The following RIMS1 variants were observed in gnomAD, a reference collection of about 807,000 sequenced individuals.
RIMS1 encodes the protein regulating synaptic membrane exocytosis 1.
A neutral mutation model predicts 214.1 loss-of-function variants in RIMS1; 83 were observed. That is an observed-to-expected ratio of 0.39 (90% CI 0.32 to 0.47). The LOEUF (loss-of-function observed/expected upper bound fraction) is 0.47. Among genes scored for constraint, RIMS1 ranks in the 20% least tolerant of loss-of-function variants. RIMS1 has a pLI of 0.99. For missense variants in RIMS1, 2,050 were observed against 2,161.8 expected (o/e 0.95, Z 1.03); for synonymous variants, 793 against 786.8 (o/e 1.01, Z -0.13).
intron 2 of RIMS1, among the ~76,000 whole-genome samples, chr6:71,998,665 C>T (rs1045913563): frequency 2.6e-5 from 4 of 151,968 alleles, no homozygotes; most frequent in Admixed American, 1.3e-4. Context: ...ATCTGCATGC[C>T]GATAGTTTTT....
chr6:72,195,477 G>A (rs1554268854), intron 6 of RIMS1, among the ~76,000 whole-genome samples: 2 of 152,136 alleles, frequency 1.3e-5, no homozygotes, highest in African/African-American at 2.4e-5. Context: ...CTTAATAACA[G>A]ATGTGACTTT....
chr6:72,207,265 G>A (rs1197407373), intron 6 of RIMS1, among the ~76,000 whole-genome samples: 1 of 152,168 alleles, frequency 6.6e-6, no homozygotes, highest in African/African-American at 2.4e-5. Flanking sequence ...AGGACAACAG[G>A]TGGATACATA....
At chr6:71,901,914 G>C (rs1338173443) in intron 1 of RIMS1, among the ~76,000 whole-genome samples, 1 of 152,028 alleles carries the variant, frequency 6.6e-6, no homozygotes, top group Non-Finnish European at 1.5e-5. Context: ...TATGGGGTCA[G>C]CACTAGATTG....
intron 4 of RIMS1, among the ~76,000 whole-genome samples, chr6:72,116,929 T>C (rs1351022208): frequency 6.6e-6 from 1 of 152,008 alleles, no homozygotes; most frequent in African/African-American, 2.4e-5. Context: ...TGTGTGTGTA[T>C]ATCATAAATT....
At position 72,324,119 on chromosome 6, in the gene RIMS1, A is replaced by C. The variant is rs187105379; in HGVS notation, c.4131-9481A>C. Among the ~76,000 whole-genome samples the C allele has an allele frequency of 5.1e-3, 772 of 152,036 alleles. 4 individuals carry two copies. The highest frequency in any genetic ancestry group is 0.014 in the Middle Eastern group (4 of 294). On this transcript the variant is annotated intron_variant, in intron 28 of 33. Transcript: ENST00000521978. ...TCATCATGAGGTGACCAGCACTACA[A>C]AAAATACTAATGGGAGTTCATGTTG...
At chr6:72,125,688 C>T (rs1283062195) in intron 4 of RIMS1, among the ~76,000 whole-genome samples, 1 of 152,212 alleles carries the variant, frequency 6.6e-6, no homozygotes, top group African/African-American at 2.4e-5. Context: ...CAAGCCTCAG[C>T]AATGGTGGAT....
intron 23 of RIMS1, among the ~76,000 whole-genome samples, chr6:72,280,105 T>A (rs950964250): frequency 6.6e-6 from 1 of 151,992 alleles, no homozygotes; most frequent in Non-Finnish European, 1.5e-5. Flanking sequence ...AGTTCTTTTT[T>A]ATTGTAATTT....
chr6:72,136,205 A>G (rs759966613), intron 4 of RIMS1, among the ~76,000 whole-genome samples: 1 of 152,220 alleles, frequency 6.6e-6, no homozygotes, highest in Non-Finnish European at 1.5e-5. Context: ...AGAGTTAGTC[A>G]TAGATGCTTA....
intron 4 of RIMS1, among the ~76,000 whole-genome samples, chr6:72,147,386 G>A (rs2042898253): frequency 6.6e-6 from 1 of 152,188 alleles, no homozygotes; most frequent in South Asian, 2.1e-4. Context: ...AGCCCTTGAA[G>A]AAACAGGGCT....
rs183868048 is a variant in RIMS1, at chr6:72,156,266, A to T, written c.472-23309A>T. Reference sequence around the variant, plus strand: ...GAAGAAAATGTGATAAAAACATACAATGTAATATTATTCGGCCTTAAAAAA... The same window carrying T: ...GAAGAAAATGTGATAAAAACATACATTGTAATATTATTCGGCCTTAAAAAA... On this transcript the variant is annotated intron_variant, in intron 4 of 33. Transcript: ENST00000521978. 5.1e-4 allele frequency among the ~76,000 whole-genome samples: 72 copies of T among 141,360 alleles called. 8 individuals carry two copies. The highest frequency in any genetic ancestry group is 4.3e-3 in the Admixed American group (60 of 13,866). 92.7% of individuals were successfully genotyped at this position (141,360 alleles called of 152,430 possible). A position where few individuals can be genotyped will look rare whatever the true frequency, so the allele number is the denominator to read the frequency against.
At chr6:72,396,354 G>A (rs78678627) in intron 31 of RIMS1, among the ~76,000 whole-genome samples, 2,744 of 152,148 alleles carry the variant, frequency 0.018, 79 homozygotes, top group African/African-American at 0.064. Context: ...AATATAAGTA[G>A]CAAAGACATT....
chr6:71,943,594 C>T (rs1358078951), intron 1 of RIMS1, among the ~76,000 whole-genome samples: 1 of 152,142 alleles, frequency 6.6e-6, no homozygotes, highest in African/African-American at 2.4e-5. Context: ...ATTCTGTACA[C>T]ATCAAAGGAC....
intron 2 of RIMS1, among the ~76,000 whole-genome samples, chr6:72,001,764 T>G (rs2151734716): frequency 6.6e-6 from 1 of 152,292 alleles, no homozygotes; most frequent in Admixed American, 6.5e-5. Context: ...GGGCTAAGTT[T>G]TAATGAATTT....
intron 1 of RIMS1, among the ~76,000 whole-genome samples, chr6:71,965,281 A>T (rs896647656): frequency 1.3e-5 from 2 of 152,216 alleles, no homozygotes; most frequent in Admixed American, 6.5e-5. Flanking sequence ...AAAGTTTCAC[A>T]TAAAATAGTG....
intron 29 of RIMS1, among the ~76,000 whole-genome samples, chr6:72,352,664 G>A (rs1040929574): frequency 2.0e-5 from 3 of 152,100 alleles, no homozygotes; most frequent in Non-Finnish European, 2.9e-5. Flanking sequence ...TTCTTTACAT[G>A]TTATGCATTT....
chr6:72,283,981 A>G, intron 23 of RIMS1, 66 bp from the exon 24 acceptor site: 2 of 1,278,646 alleles, frequency 1.6e-6, no homozygotes, highest in Non-Finnish European at 2.3e-6. Context: ...TATTGTGTTT[A>G]TCATTGTATG....
intron 4 of RIMS1, among the ~76,000 whole-genome samples, chr6:72,156,497 T>TAA (rs1588198486): frequency 7.1e-6 from 1 of 140,158 alleles, no homozygotes; most frequent in East Asian, 2.0e-4. Context: ...GAGAAGTAGG[T>TAA]AAAAGGGTAC....
intron 29 of RIMS1, among the ~76,000 whole-genome samples, chr6:72,383,351 G>C (rs1254061913): frequency 1.3e-5 from 2 of 152,036 alleles, no homozygotes; most frequent in African/African-American, 4.8e-5. Flanking sequence ...GGGGCACAAA[G>C]CACTAAGGAA....
At chr6:71,982,156 T>G (rs903494053) in intron 2 of RIMS1, among the ~76,000 whole-genome samples, 2 of 152,166 alleles carry the variant, frequency 1.3e-5, no homozygotes, top group Non-Finnish European at 2.9e-5. Context: ...TTCCATGCAA[T>G]TCCAGGGAGC....
Sources: allele counts gnomAD v4.1 joint callset (sites outside exome capture counted in the v4.1 genomes callset), GRCh38; gene constraint gnomAD v4.1.1; transcripts MANE v1.5; gene names NCBI Gene and HGNC (gene_info 2026-07-23, HGNC 2026-07-21).